PDE7A: variants seen among roughly 807,000 people sequenced by gnomAD.
PDE7A encodes phosphodiesterase 7A.
PDE7A carries 39 observed loss-of-function variants against 64.3 expected under a neutral mutation model. The ratio of observed to expected loss-of-function variants is 0.61; its 90% CI spans 0.47 to 0.79. The LOEUF is 0.79. Among genes scored for constraint, PDE7A ranks in the 30% least tolerant of loss-of-function variants. The pLI, the probability that PDE7A is intolerant of heterozygous loss-of-function variation, is 0.00. For missense variants in PDE7A, 470 were observed against 582.8 expected (o/e 0.81, Z 1.99); for synonymous variants, 203 against 206.8 (o/e 0.98, Z 0.16).
At chr8:65,804,596 G>A (rs1281407113) in intron 1 of PDE7A, among the ~76,000 whole-genome samples, 1 of 143,850 alleles carries the variant, frequency 7.0e-6, no homozygotes, top group Admixed American at 7.0e-5. Flanking sequence ...GGAGTGCAGT[G>A]GCGCAACATC....
At chr8:65,753,068 T>C (rs561802313) in intron 3 of PDE7A, among the ~76,000 whole-genome samples, 32 of 152,352 alleles carry the variant, frequency 2.1e-4, no homozygotes, top group African/African-American at 7.5e-4. Flanking sequence ...TATTGTTTAA[T>C]TTAATTTTTT....
At chr8:65,765,394 C>T (rs1447216199) in intron 3 of PDE7A, 1 of 137,540 alleles carries the variant, frequency 7.3e-6, no homozygotes, top group African/African-American at 2.7e-5. Flanking sequence ...GAGGCTGAGG[C>T]AGGAGAATGG....
At chr8:65,771,996 T>C (rs1418518374) in intron 3 of PDE7A, among the ~76,000 whole-genome samples, 1 of 148,230 alleles carries the variant, frequency 6.7e-6, no homozygotes, top group African/African-American at 2.5e-5. Context: ...TGGTGATAAA[T>C]GACTGGTTCA....
intron 1 of PDE7A, among the ~76,000 whole-genome samples, chr8:65,832,955 A>G (rs1161022287): frequency 1.3e-5 from 2 of 152,228 alleles, no homozygotes; most frequent in East Asian, 3.8e-4. Context: ...CTTTAGAGTC[A>G]GCATGACCTA....
At chr8:65,821,086 ACTT>A (rs1361532094) in intron 1 of PDE7A, among the ~76,000 whole-genome samples, 3 of 152,132 alleles carry the variant, frequency 2.0e-5, no homozygotes, top group Non-Finnish European at 4.4e-5. Context: ...ATCTACTCAT[ACTT>A]CTCAAGGGCA....
intron 1 of PDE7A, among the ~76,000 whole-genome samples, chr8:65,832,106 T>C (rs1810841362): frequency 6.6e-6 from 1 of 152,232 alleles, no homozygotes; most frequent in Non-Finnish European, 1.5e-5. Flanking sequence ...TTTTCTTCAC[T>C]TAATTATGTT....
intron 1 of PDE7A, among the ~76,000 whole-genome samples, chr8:65,817,250 TCTC>T (rs142631010): frequency 0.022 from 3,313 of 152,340 alleles, 56 homozygotes; most frequent in African/African-American, 0.048. Flanking sequence ...GTCAAAATTT[TCTC>T]CTAATGCTAA....
chr8:65,759,974 T>G (rs566409193), intron 3 of PDE7A, among the ~76,000 whole-genome samples: 1 of 152,298 alleles, frequency 6.6e-6, no homozygotes, highest in East Asian at 1.9e-4. Flanking sequence ...GCACGGTGGC[T>G]CACACCTATA....
chr8:65,749,174 A>G (rs1807819523), intron 3 of PDE7A, among the ~76,000 whole-genome samples: 1 of 152,342 alleles, frequency 6.6e-6, no homozygotes, highest in African/African-American at 2.4e-5. Flanking sequence ...TTCTGATATT[A>G]TAATTAGTTT....
At chr8:65,731,171 TG>T (rs370701592) in intron 7 of PDE7A, among the ~76,000 whole-genome samples, 4 of 152,272 alleles carry the variant, frequency 2.6e-5, no homozygotes, top group Non-Finnish European at 4.4e-5. Context: ...AGTAAGATTC[TG>T]GGGGCCAAAA....
At chr8:65,792,339 C>T (rs1809723544) in intron 1 of PDE7A, among the ~76,000 whole-genome samples, 1 of 152,344 alleles carries the variant, frequency 6.6e-6, no homozygotes, top group African/African-American at 2.4e-5. Context: ...GAGTTAAAAG[C>T]AGACCTCACT....
At chr8:65,785,753 CAG>C (rs1277054001) in intron 1 of PDE7A, among the ~76,000 whole-genome samples, 1 of 152,124 alleles carries the variant, frequency 6.6e-6, no homozygotes, top group Non-Finnish European at 1.5e-5. Flanking sequence ...AGTAACAACT[CAG>C]ATAAATAACT....
intron 1 of PDE7A, among the ~76,000 whole-genome samples, chr8:65,819,608 C>T (rs1250113165): frequency 6.6e-6 from 1 of 152,054 alleles, no homozygotes; most frequent in Non-Finnish European, 1.5e-5. Flanking sequence ...TTAATAAAAC[C>T]ATGGTACACA....
intron 1 of PDE7A, among the ~76,000 whole-genome samples, chr8:65,817,549 C>T (rs1404862195): frequency 6.6e-6 from 1 of 152,166 alleles, no homozygotes; most frequent in Non-Finnish European, 1.5e-5. Context: ...TTGATCTCCT[C>T]TGCCCTGTAA....
intron 1 of PDE7A, among the ~76,000 whole-genome samples, chr8:65,794,193 CA>C (rs1372794042): frequency 2.0e-5 from 3 of 152,082 alleles, no homozygotes; most frequent in Admixed American, 2.0e-4. Flanking sequence ...TTTCCATACA[CA>C]AAAGATAAAT....
At chr8:65,735,501 GGATCTTGC>G (rs1439710584) in intron 6 of PDE7A, among the ~76,000 whole-genome samples, 1 of 152,068 alleles carries the variant, frequency 6.6e-6, no homozygotes, top group African/African-American at 2.4e-5. Flanking sequence ...TATAAAGACA[GGATCTTGC>G]CATGTTGCCC....
At position 65,717,481 on chromosome 8, in the gene PDE7A, CCT is replaced by C. The variant is rs1394905318; in HGVS notation, c.*1807_*1808del. On this transcript the variant is annotated 3_prime_UTR_variant, in exon 13 of 13. Coordinates refer to ENST00000401827, the MANE Select transcript of PDE7A (RefSeq NM_001242318.3). ...GGCCTGGCTCAAAGCTGACCTCTCC[CCT>C]GTGTTAGTCAGGACTCCAACAGCCC... The C allele has an allele frequency of 6.6e-6, 1 of 152,212 alleles. No individual in the cohort carries two copies. Among genetic ancestry groups the C allele is most frequent in the African/African-American group, 2.4e-5 (1 of 41,456 alleles). The allele number at this position is 152,212 out of a possible 1,614,324, so 9.4% of individuals were successfully genotyped here.
At chr8:65,769,074 C>G (rs1808942740) in intron 3 of PDE7A, among the ~76,000 whole-genome samples, 1 of 151,706 alleles carries the variant, frequency 6.6e-6, no homozygotes, top group Admixed American at 6.6e-5. Context: ...ATGGTGAAAC[C>G]CCGTCTCTAC....
At chr8:65,772,891 C>T (rs1809150163) in intron 3 of PDE7A, among the ~76,000 whole-genome samples, 1 of 151,982 alleles carries the variant, frequency 6.6e-6, no homozygotes, top group Non-Finnish European at 1.5e-5. Context: ...ACCTGTAATC[C>T]CAGCTACTTG....
Sources: gnomAD v4.1 joint callset for allele counts (sites outside exome capture counted in the v4.1 genomes callset) on GRCh38, gnomAD v4.1.1 for gene constraint, MANE v1.5 for transcripts, NCBI Gene and HGNC (gene_info 2026-07-23, HGNC 2026-07-21) for gene names.